The following ANXA6 variants were observed in gnomAD, a reference collection of about 807,000 sequenced individuals.
The protein encoded by ANXA6 is annexin A6.
In ANXA6, 71 loss-of-function variants were observed where a neutral mutation model predicts 95.4. The ratio of observed to expected loss-of-function variants is 0.74; its 90% CI spans 0.61 to 0.91. The LOEUF (loss-of-function observed/expected upper bound fraction) is 0.91, where lower values mean the gene tolerates loss of function less well. Ranked by LOEUF, ANXA6 falls within the 40% of genes least tolerant of loss-of-function variation. The probability of loss-of-function intolerance (pLI) is 0.00; values close to 1 mark genes in which losing one functional copy is unlikely to be tolerated. For missense variants in ANXA6, 830 were observed against 876.4 expected (o/e 0.95, Z 0.67); for synonymous variants, 289 against 315.9 (o/e 0.91, Z 0.90).
chr5:151,133,330 T>C, intron 8 of ANXA6, 143 bp from the exon 9 acceptor site: 2 of 613,540 alleles, frequency 3.3e-6, no homozygotes, highest in South Asian at 3.8e-5. Flanking sequence ...AAAACAGTCA[T>C]GCATCATTTA....
intron 16 of ANXA6, 100 bp downstream of exon 16, chr5:151,122,817 G>T: frequency 2.0e-6 from 2 of 1,024,696 alleles, no homozygotes; most frequent in Non-Finnish European, 3.0e-6. Flanking sequence ...CTGCCATGAA[G>T]ACCCTGGTGC....
In ANXA6 at chr5:151,100,931, T is replaced by C. The variant is rs1006677000; in HGVS notation, c.*517A>G. 7 of 456,378 alleles carry C rather than the reference T, an allele frequency of 1.5e-5. No homozygotes were observed. The highest frequency in any genetic ancestry group is 3.1e-5 in the Non-Finnish European group (7 of 227,196). The allele number at this position is 456,378 out of a possible 1,614,324, so 28.3% of individuals were successfully genotyped here. A position where few individuals can be genotyped will look rare whatever the true frequency, so the allele number is the denominator to read the frequency against. ...GCAGATGCAGATTTGAACCCAGGCA[T>C]CCAAATTCCTGGTCCAGTACTCTAG... On this transcript the variant is annotated 3_prime_UTR_variant, in exon 26 of 26. Coordinates refer to ENST00000354546, the MANE Select transcript of ANXA6 (RefSeq NM_001155.5).
At chr5:151,155,767 G>C (rs1451929566) in intron 1 of ANXA6, 1 of 152,184 alleles carries the variant, frequency 6.6e-6, no homozygotes, top group African/African-American at 2.4e-5. Context: ...GGGTGTCCTG[G>C]GTATATGTCC....
chr5:151,122,994 T>C lies in ANXA6; in HGVS notation c.1156A>G (p.Ile386Val). 5 of 1,613,736 alleles carry C rather than the reference T, an allele frequency of 3.1e-6. No homozygotes were observed. Among genetic ancestry groups the C allele is most frequent in the Non-Finnish European group, 4.2e-6 (5 of 1,179,876 alleles). ...MKGLGTDEDT[I>V]IDIITHRSNV... ...CTGCGGTGCGTGATGATATCGATGA[T>C]TGTGTCTTCGTCAGTCCCTGAGTCA... The change falls in exon 16 of 26, where the codon ATC becomes GTC. Residue 386 changes from isoleucine to valine, a missense_variant. Physicochemically the swap from Ile to Val is conservative, Grantham distance 29. Transcript: ENST00000354546.
At chr5:151,137,128 A>G (rs2113940358) in intron 6 of ANXA6, 103 bp downstream of exon 6, 2 of 951,224 alleles carry the variant, frequency 2.1e-6, no homozygotes, top group Non-Finnish European at 3.2e-6. Context: ...ATCAGAGGAA[A>G]GGAGGAGAGA....
At chr5:151,153,375 T>C (rs1311362020) in intron 1 of ANXA6, among the ~76,000 whole-genome samples, 1 of 152,208 alleles carries the variant, frequency 6.6e-6, no homozygotes, top group East Asian at 1.9e-4. Flanking sequence ...CTAAAAACTT[T>C]CCTAGGTGAT....
chr5:151,102,187 G>A (rs2113886333), intron 25 of ANXA6, among the ~76,000 whole-genome samples: 3 of 152,322 alleles, frequency 2.0e-5, no homozygotes, highest in Admixed American at 2.0e-4. Flanking sequence ...ATTGTTATGA[G>A]ACATGGTTTT....
rs2303034 is a variant in ANXA6 at position 151,137,326 on chromosome 5, G to C, written c.319-5C>G. Reference sequence around the variant, plus strand: ...CTTCTCATCAGTGCCAATGCCCTGGGGGTAGAAAAAGAGCGCATGAATTAA... The same window carrying C: ...CTTCTCATCAGTGCCAATGCCCTGGCGGTAGAAAAAGAGCGCATGAATTAA... On this transcript the variant is annotated splice_region_variant and splice_polypyrimidine_tract_variant and intron_variant, in intron 5 of 25. Transcript: ENST00000354546. The C allele has an allele frequency of 0.67, 1,075,374 of 1,608,716 alleles. 361,868 individuals are homozygous for C. Among genetic ancestry groups the C allele is most frequent in the East Asian group, 0.89 (39,750 of 44,798 alleles).
chr5:151,134,572 G>A, intron 7 of ANXA6, 89 bp from the exon 8 acceptor site: 3 of 1,374,530 alleles, frequency 2.2e-6, no homozygotes, highest in Non-Finnish European at 3.1e-6. Context: ...GGGAAAGCAG[G>A]AAAACCCTGG....
At position 151,105,229 on chromosome 5, in the gene ANXA6, C is replaced by T; in HGVS notation, c.1839+16G>A. On this transcript the variant is annotated intron_variant, in intron 24 of 25. Transcript: ENST00000354546. ...TCAGTGCTTGAAGGGAAAGGAACGC[C>T]AGCATGTTTTCTTACCTTCATGGAT... 6.2e-7 allele frequency: 1 copy of T among 1,612,238 alleles called. No homozygotes were observed.
At chr5:151,136,186 A>T in intron 7 of ANXA6, 70 bp downstream of exon 7, 3 of 1,482,198 alleles carry the variant, frequency 2.0e-6, no homozygotes, top group South Asian at 2.3e-5. Flanking sequence ...GGACATTCAG[A>T]TCTACACCCA....
Position 151,117,255 on chromosome 5 carries a change from G to A in ANXA6, c.1519-75C>T, listed in dbSNP as rs561542947. ...CCATCTCTGTACCACCACACACCCTGCTCATTTTCACCTCTCTGAATGCTC... is the reference window on the plus strand; with the variant it reads ...CCATCTCTGTACCACCACACACCCTACTCATTTTCACCTCTCTGAATGCTC... On this transcript the variant is annotated intron_variant, in intron 19 of 25. Coordinates refer to ENST00000354546, the MANE Select transcript of ANXA6 (RefSeq NM_001155.5). The A allele has an allele frequency of 9.3e-6, 13 of 1,401,224 alleles. No individual in the cohort carries two copies. The South Asian group carries it at 1.0e-4, about 11-fold the overall frequency. 86.8% of individuals were successfully genotyped at this position (1,401,224 alleles called of 1,614,324 possible).
At chr5:151,109,345 G>A (rs1764785282) in intron 22 of ANXA6, among the ~76,000 whole-genome samples, 3 of 152,202 alleles carry the variant, frequency 2.0e-5, no homozygotes, top group African/African-American at 7.2e-5. Context: ...GCGGCAGCCT[G>A]TGGTTCAAAG....
intron 23 of ANXA6, among the ~76,000 whole-genome samples, chr5:151,106,038 A>G (rs1265102205): frequency 6.6e-6 from 1 of 152,098 alleles, no homozygotes; most frequent in Admixed American, 6.6e-5. Context: ...TGATTTAGAG[A>G]AATATTGCTC....
intron 3 of ANXA6, among the ~76,000 whole-genome samples, chr5:151,139,849 T>C (rs1184870876): frequency 1.3e-5 from 2 of 152,146 alleles, no homozygotes; most frequent in East Asian, 3.9e-4. Context: ...TGGCTGCCTC[T>C]GGGCAAAGGC....
intron 19 of ANXA6, 39 bp downstream of exon 19, chr5:151,117,719 C>T (rs769298766): frequency 1.6e-5 from 25 of 1,573,788 alleles, no homozygotes; most frequent in Admixed American, 1.5e-4. Context: ...CCAGGCCTCC[C>T]GATGGGCAAG....
rs574269957 is a variant in ANXA6 at position 151,138,514 on chromosome 5, G to C, written c.318+164C>G. Among the ~76,000 whole-genome samples the C allele has an allele frequency of 2.6e-5, 4 of 152,302 alleles. No homozygotes were observed. The South Asian group carries it at 8.3e-4, about 32-fold the overall frequency. ...TGTTGACATCTGTCTGCATCTCTCT[G>C]TGTGCGGATCGGGATGCTCCTCTGG... On this transcript the variant is annotated intron_variant, in intron 5 of 25. Transcript: ENST00000354546.
rs1458697835 is a variant in ANXA6 at position 151,101,320 on chromosome 5, G to A, written c.*128C>T. ...TTCCTAAGCTCCACTGAAGATAAGA[G>A]CCCAACCCAACCCCTCCCCCCACCC... On this transcript the variant is annotated 3_prime_UTR_variant, in exon 26 of 26. Coordinates refer to ENST00000354546, the MANE Select transcript of ANXA6 (RefSeq NM_001155.5). The A allele has an allele frequency of 2.5e-5, 14 of 555,650 alleles. No homozygotes were observed. Among genetic ancestry groups the A allele is most frequent in the Non-Finnish European group, 6.8e-6 (2 of 293,774 alleles). 34.4% of individuals were successfully genotyped at this position (555,650 alleles called of 1,614,324 possible).
chr5:151,134,547 C>T (rs1765604909), intron 7 of ANXA6, 64 bp from the exon 8 acceptor site: 2 of 1,561,542 alleles, frequency 1.3e-6, no homozygotes, highest in Non-Finnish European at 1.8e-6. Context: ...GGCCTGGATG[C>T]CAGTGGTGGA....
Sources: allele counts gnomAD v4.1 joint callset (sites outside exome capture counted in the v4.1 genomes callset), GRCh38; gene constraint gnomAD v4.1.1; transcripts MANE v1.5; gene names NCBI Gene and HGNC (gene_info 2026-07-23, HGNC 2026-07-21).